The following PCLO variants were observed in gnomAD, a reference collection of about 807,000 sequenced individuals.
The protein encoded by PCLO is piccolo presynaptic cytomatrix protein.
PCLO carries 82 observed loss-of-function variants against 427.5 expected under a neutral mutation model. The observed-to-expected ratio is 0.19, with a 90% confidence interval of 0.16 to 0.23. The LOEUF (loss-of-function observed/expected upper bound fraction) is 0.23, where lower values mean the gene tolerates loss of function less well. PCLO is among the 10% of genes least tolerant of loss of function. PCLO has a pLI of 1.00. For synonymous variants in PCLO, 2,357 were observed against 2,155.4 expected, an observed-to-expected ratio of 1.09 and a Z score of -2.59; for missense variants, 6,239 against 6,115.9, an observed-to-expected ratio of 1.02 and a Z score of -0.67.
intron 3 of PCLO, among the ~76,000 whole-genome samples, chr7:83,000,066 AC>A (rs1259373700): frequency 1.4e-5 from 2 of 144,416 alleles, no homozygotes; most frequent in Non-Finnish European, 3.0e-5. Context: ...CAAAAAAAAA[AC>A]CACACCAACA....
At chr7:83,006,079 A>G (rs574469852) in intron 3 of PCLO, among the ~76,000 whole-genome samples, 1 of 151,662 alleles carries the variant, frequency 6.6e-6, no homozygotes, top group African/African-American at 2.4e-5. Flanking sequence ...TATGGCTTTC[A>G]GTTAATACAA....
chr7:83,038,065 T>TTATATATA (rs1562933217), intron 3 of PCLO, among the ~76,000 whole-genome samples: 7 of 31,544 alleles, frequency 2.2e-4, no homozygotes, highest in South Asian at 1.1e-3. Flanking sequence ...ATATATATAT[T>TTATATATA]TATATATTTA....
chr7:82,767,281 T>A (rs1562776412), intron 22 of PCLO, among the ~76,000 whole-genome samples: 1 of 152,156 alleles, frequency 6.6e-6, no homozygotes, highest in Non-Finnish European at 1.5e-5. Flanking sequence ...GCTTCTTTGG[T>A]CGTATTAAAA....
chr7:83,043,078 T>G (rs115280405), intron 3 of PCLO, among the ~76,000 whole-genome samples: 339 of 152,318 alleles, frequency 2.2e-3, no homozygotes, highest in African/African-American at 7.7e-3. Flanking sequence ...TTTAGGAGTG[T>G]CCCTGGCTTC....
chr7:82,844,256 T>G (rs1792443047), intron 13 of PCLO, among the ~76,000 whole-genome samples: 2 of 152,170 alleles, frequency 1.3e-5, no homozygotes, highest in Admixed American at 6.6e-5. Context: ...TTATTCAAAA[T>G]TAGCACATAA....
intron 9 of PCLO, among the ~76,000 whole-genome samples, chr7:82,895,448 G>GAAAGA (rs1162500868): frequency 6.6e-6 from 1 of 151,386 alleles, no homozygotes; most frequent in Non-Finnish European, 1.5e-5. Flanking sequence ...CAAAATAAAT[G>GAAAGA]AAAGAAAAGA....
chr7:83,051,641 T>C (rs1041279255), intron 3 of PCLO, among the ~76,000 whole-genome samples: 1 of 152,158 alleles, frequency 6.6e-6, no homozygotes, highest in Non-Finnish European at 1.5e-5. Flanking sequence ...ATTTGATTTA[T>C]AGATTCAATG....
intron 3 of PCLO, among the ~76,000 whole-genome samples, chr7:83,014,034 C>T (rs1788149284): frequency 6.6e-6 from 1 of 152,106 alleles, no homozygotes; most frequent in African/African-American, 2.4e-5. Context: ...CTGATGGTTT[C>T]ATAAGGAGAG....
intron 20 of PCLO, among the ~76,000 whole-genome samples, chr7:82,807,251 T>C (rs1192196741): frequency 6.6e-6 from 1 of 151,966 alleles, no homozygotes; most frequent in Non-Finnish European, 1.5e-5. Flanking sequence ...TCTTTGACAA[T>C]GAATTTAACT....
At chr7:83,104,690 A>G (rs2190044) in intron 3 of PCLO, among the ~76,000 whole-genome samples, 69,751 of 151,866 alleles carry the variant, frequency 0.46, 16,428 homozygotes, top group East Asian at 0.71. Flanking sequence ...AAAGTTTACA[A>G]TATAATAGTG....
intron 3 of PCLO, among the ~76,000 whole-genome samples, chr7:83,014,475 A>T (rs1180557272): frequency 6.6e-6 from 1 of 152,188 alleles, no homozygotes; most frequent in East Asian, 1.9e-4. Flanking sequence ...ATAATGGATC[A>T]AAGAATATAT....
intron 3 of PCLO, among the ~76,000 whole-genome samples, chr7:82,975,958 A>G (rs1796007853): frequency 6.6e-6 from 1 of 152,168 alleles, no homozygotes; most frequent in Non-Finnish European, 1.5e-5. Context: ...CGGAACTGTG[A>G]GTCAATTAAA....
At position 83,162,463 on chromosome 7, in the gene PCLO, C is replaced by A; in HGVS notation, c.130G>T (p.Asp44Tyr). The change falls in exon 1 of 25, where the codon GAT (aspartate) becomes TAT (tyrosine). Residue 44 changes from aspartate (D) to tyrosine (Y), a missense_variant. Asp to Tyr is a radical substitution (Grantham distance 160). Coordinates refer to ENST00000333891, the MANE Select transcript of PCLO (RefSeq NM_033026.6). Reference protein sequence around the residue: ...HTAIPAGMEADLSQLSEEERR... With the variant: ...HTAIPAGMEAYLSQLSEEERR... ...TCCTCTTCGCTCAGCTGGCTCAAATCCGCCTCCATGCCGGCCGGGATCGCG... is the reference window on the plus strand; with the variant it reads ...TCCTCTTCGCTCAGCTGGCTCAAATACGCCTCCATGCCGGCCGGGATCGCG... The A allele has an allele frequency of 6.3e-7, 1 of 1,589,914 alleles. No individual in the cohort carries two copies. The highest frequency in any genetic ancestry group is 8.6e-7 in the Non-Finnish European group (1 of 1,167,954).
intron 16 of PCLO, among the ~76,000 whole-genome samples, chr7:82,833,717 C>G (rs926404896): frequency 7.8e-6 from 1 of 128,278 alleles, no homozygotes; most frequent in African/African-American, 2.5e-5. Context: ...GATAACCAAC[C>G]ACTGGTCGCA....
intron 3 of PCLO, among the ~76,000 whole-genome samples, chr7:83,116,887 GTCCA>G (rs1316603272): frequency 6.6e-6 from 1 of 152,084 alleles, no homozygotes. Flanking sequence ...GTATTTACAT[GTCCA>G]TGTTTATGGT....
chr7:82,893,913 C>G, intron 9 of PCLO, among the ~76,000 whole-genome samples: 1 of 151,788 alleles, frequency 6.6e-6, no homozygotes, highest in East Asian at 1.9e-4. Context: ...GAAATCAATA[C>G]TATAATGGAA....
rs555837451 is a variant in PCLO, at chr7:82,880,628, C to T, written c.13529-1166G>A. On this transcript the variant is annotated intron_variant, in intron 9 of 24. Transcript: ENST00000333891. ...AACATTTTTGGTTGTCACCGTGGAA[C>T]GATGCTACTGGCATTTAGTGGATAG... Among the ~76,000 whole-genome samples the T allele has an allele frequency of 2.6e-5, 4 of 152,228 alleles. No homozygotes were observed. The East Asian group carries it at 5.8e-4, about 22-fold the overall frequency.
chr7:82,806,179 C>G (rs1473017694), intron 20 of PCLO, among the ~76,000 whole-genome samples: 3 of 152,008 alleles, frequency 2.0e-5, no homozygotes, highest in African/African-American at 7.2e-5. Context: ...AGAATTTTGG[C>G]TATTTCATGG....
At chr7:82,832,841 ACACG>A (rs1297674706) in intron 16 of PCLO, among the ~76,000 whole-genome samples, 6 of 144,734 alleles carry the variant, frequency 4.1e-5, no homozygotes, top group African/African-American at 1.3e-4. Flanking sequence ...ACACACACAC[ACACG>A]TTTTTCAAAA....
Sources: gnomAD v4.1 joint callset for allele counts (sites outside exome capture counted in the v4.1 genomes callset) on GRCh38, gnomAD v4.1.1 for gene constraint, MANE v1.5 for transcripts, NCBI Gene and HGNC (gene_info 2026-07-23, HGNC 2026-07-21) for gene names.